The following ADGRD1 variants were observed in gnomAD, a reference collection of about 807,000 sequenced individuals.
The protein encoded by ADGRD1 is adhesion G protein-coupled receptor D1.
In ADGRD1, 77 loss-of-function variants were observed where a neutral mutation model predicts 113.4. That is an observed-to-expected ratio of 0.68 (90% CI 0.57 to 0.82). ADGRD1 has a LOEUF of 0.82. ADGRD1 is among the 40% of genes least tolerant of loss of function. The pLI is 0.00. For synonymous variants in ADGRD1, 474 were observed against 475.0 expected, an observed-to-expected ratio of 1.00 and a Z score of 0.03; for missense variants, 1,036 against 1,139.1, an observed-to-expected ratio of 0.91 and a Z score of 1.30.
intron 14 of ADGRD1, among the ~76,000 whole-genome samples, chr12:131,077,383 G>A (rs530944451): frequency 4.6e-5 from 7 of 152,282 alleles, no homozygotes; most frequent in South Asian, 2.1e-4. Flanking sequence ...TGACTGGGAC[G>A]TCCTCCCCAG....
chr12:131,045,506 C>A lies in ADGRD1; in HGVS notation c.1473+31166C>A, dbSNP rs965704079. On this transcript the variant is annotated intron_variant, in intron 13 of 24. Coordinates refer to ENST00000261654, the MANE Select transcript of ADGRD1 (RefSeq NM_198827.5). ...GCGGCAGGGCAGTGCTGTACAGGGA[C>A]CCCCCCCCACCCCCGCCTCCCTGCC... is the stretch of plus-strand genomic sequence containing the variant. 3.2e-3 allele frequency among the ~76,000 whole-genome samples: 51 copies of A among 15,994 alleles called. No individual in the cohort carries two copies. The African/African-American group carries it at 0.037, about 12-fold the overall frequency. 10.5% of individuals were successfully genotyped at this position (15,994 alleles called of 152,430 possible). A position where few individuals can be genotyped will look rare whatever the true frequency, so the allele number is the denominator to read the frequency against.
intron 13 of ADGRD1, among the ~76,000 whole-genome samples, chr12:131,018,258 A>C (rs1878874884): frequency 6.6e-6 from 1 of 152,134 alleles, no homozygotes; most frequent in Non-Finnish European, 1.5e-5. Context: ...ACTGAATCAC[A>C]GCCACGTGGT....
intron 3 of ADGRD1, chr12:130,968,544 T>G (rs1432227461): frequency 6.1e-6 from 1 of 162,946 alleles, no homozygotes; most frequent in Non-Finnish European, 1.3e-5. Flanking sequence ...TCCGTCGTTT[T>G]GTCCATTTGT....
chr12:130,966,909 T>C lies in ADGRD1; in HGVS notation c.187+363T>C, dbSNP rs755928965. The C allele has an allele frequency of 2.0e-5, 9 of 440,358 alleles. No individual in the cohort carries two copies. Among genetic ancestry groups the C allele is most frequent in the Non-Finnish European group, 3.7e-5 (8 of 214,078 alleles). 27.3% of individuals were successfully genotyped at this position (440,358 alleles called of 1,614,324 possible). A position where few individuals can be genotyped will look rare whatever the true frequency, so the allele number is the denominator to read the frequency against. On this transcript the variant is annotated intron_variant, in intron 3 of 24. Transcript: ENST00000261654. The surrounding 1 kb of genome is among the most constrained non-coding windows in gnomAD (Gnocchi z 4.6). ...TGCTGGAATTACAGGCGTGAGCCACTGTGCCAGGCCACGAAGCATTTTACT... is the reference window on the plus strand; with the variant it reads ...TGCTGGAATTACAGGCGTGAGCCACCGTGCCAGGCCACGAAGCATTTTACT...
At chr12:130,987,397 G>A (rs766740494) in intron 6 of ADGRD1, 48 bp downstream of exon 6, 2 of 1,607,492 alleles carry the variant, frequency 1.2e-6, no homozygotes, top group South Asian at 2.2e-5. Context: ...TGTTCCCAGG[G>A]TCACCCTGGT....
intron 16 of ADGRD1, 130 bp downstream of exon 16, chr12:131,105,064 T>G: frequency 1.5e-6 from 1 of 674,150 alleles, no homozygotes; most frequent in African/African-American, 1.8e-5. Context: ...TGGAAAGGTC[T>G]GGAAAGGCCC....
rs1295217594 is a variant in ADGRD1, at chr12:130,967,957, G to T, written c.187+1411G>T. 4 of 152,320 alleles carry T rather than the reference G, an allele frequency of 2.6e-5. No individual in the cohort carries two copies. In the South Asian group the frequency reaches 8.3e-4, roughly 32 times the overall value. The allele number at this position is 152,320 out of a possible 1,614,324, so 9.4% of individuals were successfully genotyped here. A position where few individuals can be genotyped will look rare whatever the true frequency, so the allele number is the denominator to read the frequency against. On this transcript the variant is annotated intron_variant, in intron 3 of 24. Transcript: ENST00000261654. ...GGGTTCAAACGAACCACGTTCCCTTGTTGGCATCCAGTTTTCTTTTTTCAA... is the reference window on the plus strand; with the variant it reads ...GGGTTCAAACGAACCACGTTCCCTTTTTGGCATCCAGTTTTCTTTTTTCAA...
At chr12:131,039,460 CAG>C (rs1360819288) in intron 13 of ADGRD1, among the ~76,000 whole-genome samples, 1 of 152,278 alleles carries the variant, frequency 6.6e-6, no homozygotes, top group African/African-American at 2.4e-5. Flanking sequence ...AAAAGTCACA[CAG>C]AGTTCACGAT....
At chr12:131,130,760 G>A (rs901682945) in intron 20 of ADGRD1, among the ~76,000 whole-genome samples, 3 of 149,624 alleles carry the variant, frequency 2.0e-5, no homozygotes, top group Admixed American at 1.3e-4. Flanking sequence ...CGTGCGGGGG[G>A]AGAGCGAAGC....
chr12:131,042,612 G>A (rs897542489), intron 13 of ADGRD1, among the ~76,000 whole-genome samples: 11 of 152,122 alleles, frequency 7.2e-5, no homozygotes. Context: ...CTCCCACCAG[G>A]TAGCAGCCTT....
At chr12:131,029,947 TC>T (rs765227004) in intron 13 of ADGRD1, among the ~76,000 whole-genome samples, 46 of 105,964 alleles carry the variant, frequency 4.3e-4, no homozygotes, top group African/African-American at 1.1e-3. Flanking sequence ...GACCCCTCGT[TC>T]AGTGACATTC....
intron 15 of ADGRD1, among the ~76,000 whole-genome samples, chr12:131,101,377 C>CTTTCTTTTTT (rs1950076237): frequency 1.7e-4 from 6 of 36,148 alleles, no homozygotes; most frequent in African/African-American, 5.5e-4. Context: ...TTCTTTCTTT[C>CTTTCTTTTTT]TTTTTTTTTT....
At chr12:131,043,318 CTG>C (rs942439304) in intron 13 of ADGRD1, among the ~76,000 whole-genome samples, 1 of 152,174 alleles carries the variant, frequency 6.6e-6, no homozygotes, top group African/African-American at 2.4e-5. Context: ...TGTGGAGGTC[CTG>C]TGAGTCCAGA....
chr12:130,998,142 T>G (rs1875853921), intron 8 of ADGRD1, among the ~76,000 whole-genome samples: 1 of 149,166 alleles, frequency 6.7e-6, no homozygotes, highest in Non-Finnish European at 1.5e-5. Context: ...CAGCTTCGGC[T>G]CGGCATCAGA....
intron 5 of ADGRD1, 189 bp from the exon 6 acceptor site, chr12:130,986,904 GAT>G (rs1366126499): frequency 3.4e-6 from 2 of 583,132 alleles, no homozygotes; most frequent in Non-Finnish European, 6.1e-6. Context: ...AGGACAAAAA[GAT>G]AACATCCTTC....
intron 12 of ADGRD1, among the ~76,000 whole-genome samples, chr12:131,007,103 C>T (rs1004635901): frequency 3.9e-5 from 6 of 152,184 alleles, no homozygotes; most frequent in African/African-American, 1.2e-4. Flanking sequence ...TGAGAACCTG[C>T]GTGGGAAAGC....
At chr12:131,076,326 A>G (rs933435716) in intron 13 of ADGRD1, among the ~76,000 whole-genome samples, 2 of 152,186 alleles carry the variant, frequency 1.3e-5, no homozygotes, top group Non-Finnish European at 2.9e-5. Context: ...CCACATGGTG[A>G]TCAAGACTAT....
intron 13 of ADGRD1, among the ~76,000 whole-genome samples, chr12:131,036,221 C>T (rs1294284050): frequency 6.6e-6 from 1 of 151,884 alleles, no homozygotes; most frequent in African/African-American, 2.4e-5. Context: ...ACCACTGCAC[C>T]GGGTCTTACT....
chr12:131,002,900 A>G, intron 9 of ADGRD1: 1 of 980,586 alleles, frequency 1.0e-6, no homozygotes, highest in Non-Finnish European at 1.4e-6. Flanking sequence ...AGGCAGGACC[A>G]GGAGTTGGGT....
Sources: gnomAD v4.1 joint callset for allele counts (sites outside exome capture counted in the v4.1 genomes callset) on GRCh38, gnomAD v4.1.1 for gene constraint, Gnocchi (gnomAD v3.1) non-coding constraint, MANE v1.5 for transcripts, NCBI Gene and HGNC (gene_info 2026-07-23, HGNC 2026-07-21) for gene names.